The following TLCD4 variants were observed in gnomAD, a reference collection of about 807,000 sequenced individuals.
TLCD4 encodes the protein TLC domain containing 4.
A neutral mutation model predicts 24.2 loss-of-function variants in TLCD4; 7 were observed. That is an observed-to-expected ratio of 0.29 (90% confidence interval 0.16 to 0.54). The LOEUF is 0.54. Among genes scored for constraint, TLCD4 ranks in the 20% least tolerant of loss-of-function variants. TLCD4 has a pLI of 0.95. For synonymous variants in TLCD4, 103 were observed against 106.4 expected, an observed-to-expected ratio of 0.97 and a Z score of 0.20; for missense variants, 259 against 313.9, an observed-to-expected ratio of 0.82 and a Z score of 1.32.
intron 1 of TLCD4, among the ~76,000 whole-genome samples, chr1:95,140,315 G>A (rs543301894): frequency 6.6e-6 from 1 of 152,226 alleles, no homozygotes; most frequent in South Asian, 2.1e-4. Flanking sequence ...AATGTGTTGC[G>A]CTGCGGTGTT....
intron 4 of TLCD4, among the ~76,000 whole-genome samples, 173 bp from the exon 5 acceptor site, chr1:95,151,152 T>A (rs912507135): frequency 5.3e-5 from 8 of 152,126 alleles, no homozygotes; most frequent in Non-Finnish European, 1.0e-4. Flanking sequence ...GACAGGCATA[T>A]AGGAGCAGAG....
intron 1 of TLCD4, among the ~76,000 whole-genome samples, chr1:95,134,918 C>A (rs1677002416): frequency 6.6e-6 from 1 of 152,086 alleles, no homozygotes; most frequent in Admixed American, 6.6e-5. Flanking sequence ...ACAACCATGC[C>A]AGGCTAGTAC....
chr1:95,096,444 C>G, the TLCD4 span, among the ~76,000 whole-genome samples: 1 of 152,092 alleles, frequency 6.6e-6, no homozygotes, highest in Non-Finnish European at 1.5e-5. Flanking sequence ...GTTGCAGTAA[C>G]CTGGGGTAAG....
chr1:95,155,699 A>G (rs1005189571), intron 5 of TLCD4, among the ~76,000 whole-genome samples: 2 of 151,542 alleles, frequency 1.3e-5, no homozygotes, highest in African/African-American at 2.4e-5. Context: ...CAGAAAATAT[A>G]GACTCAAGAT....
At chr1:95,110,053 T>C in the TLCD4 span, among the ~76,000 whole-genome samples, 1 of 149,420 alleles carries the variant, frequency 6.7e-6, no homozygotes, top group African/African-American at 2.4e-5. Context: ...ATATTTTGGG[T>C]ATACATATAC....
At chr1:95,124,865 A>G (rs1247553532) in intron 1 of TLCD4, among the ~76,000 whole-genome samples, 3 of 152,244 alleles carry the variant, frequency 2.0e-5, no homozygotes, top group African/African-American at 4.8e-5. Context: ...AAAAAACAAA[A>G]CAACAAACAC....
chr1:95,106,432 G>A, the TLCD4 span, among the ~76,000 whole-genome samples: 22 of 152,278 alleles, frequency 1.4e-4, no homozygotes, highest in Admixed American at 1.2e-3. Context: ...CAGGTGTGGT[G>A]GCTCACGCCT....
intron 6 of TLCD4, among the ~76,000 whole-genome samples, chr1:95,190,990 T>C (rs6703408): frequency 0.31 from 46,601 of 152,080 alleles, 8,285 homozygotes; most frequent in East Asian, 0.62. Context: ...CCAACTTAAC[T>C]AACTTTTTCT....
At chr1:95,190,747 T>C (rs574379863) in intron 6 of TLCD4, among the ~76,000 whole-genome samples, 1 of 152,336 alleles carries the variant, frequency 6.6e-6, no homozygotes, top group East Asian at 1.9e-4. Flanking sequence ...AGTGAACATC[T>C]TTTTATATGC....
chr1:95,151,427 C>T lies in TLCD4; in HGVS notation c.399+8C>T, dbSNP rs555026761. 3.1e-6 allele frequency: 5 copies of T among 1,609,366 alleles called. No individual in the cohort carries two copies. Among genetic ancestry groups the T allele is most frequent in the Middle Eastern group, 1.7e-4 (1 of 6,058 alleles). On this transcript the variant is annotated splice_region_variant and intron_variant, in intron 5 of 6. Transcript: ENST00000370203. ...GCATACTACCTTGTACTGGTGAGTT[C>T]CAGGATTTTCTGTAGCCTAACTAGC...
the TLCD4 span, among the ~76,000 whole-genome samples, chr1:95,107,872 T>C: frequency 1.3e-5 from 2 of 152,144 alleles, no homozygotes; most frequent in Non-Finnish European, 2.9e-5. Flanking sequence ...GCTTTGTAAA[T>C]TTCCCTCTTT....
chr1:95,096,150 T>C, the TLCD4 span, among the ~76,000 whole-genome samples: 52,013 of 152,122 alleles, frequency 0.34, 10,374 homozygotes, highest in Middle Eastern at 0.45. Context: ...GAGGTTATTC[T>C]CTACCAATTA....
At chr1:95,092,572 G>T in the TLCD4 span, among the ~76,000 whole-genome samples, 1 of 151,994 alleles carries the variant, frequency 6.6e-6, no homozygotes, top group Non-Finnish European at 1.5e-5. Flanking sequence ...CACTCTTTAG[G>T]TCTACACTGC....
intron 6 of TLCD4, among the ~76,000 whole-genome samples, chr1:95,183,321 T>C (rs1678712440): frequency 6.6e-6 from 1 of 152,152 alleles, no homozygotes; most frequent in African/African-American, 2.4e-5. Context: ...ACAAATCCTA[T>C]ATTGGACCCA....
intron 6 of TLCD4, among the ~76,000 whole-genome samples, chr1:95,184,658 T>TA (rs2101014875): frequency 6.6e-6 from 1 of 152,308 alleles, no homozygotes; most frequent in African/African-American, 2.4e-5. Flanking sequence ...GTAATAACAG[T>TA]AAATGGTGGG....
intron 5 of TLCD4, among the ~76,000 whole-genome samples, chr1:95,153,448 G>C (rs1475933478): frequency 6.6e-6 from 1 of 152,098 alleles, no homozygotes; most frequent in Non-Finnish European, 1.5e-5. Flanking sequence ...TGAAACAAAT[G>C]GGTGGAACTT....
intron 1 of TLCD4, among the ~76,000 whole-genome samples, chr1:95,128,761 G>T (rs1252992064): frequency 3.9e-5 from 6 of 152,230 alleles, no homozygotes; most frequent in African/African-American, 1.4e-4. Context: ...GTATGTGTGT[G>T]TGTGGTGGGG....
At chr1:95,102,583 A>C in the TLCD4 span, among the ~76,000 whole-genome samples, 1 of 152,184 alleles carries the variant, frequency 6.6e-6, no homozygotes, top group African/African-American at 2.4e-5. Context: ...AGTCTTGGGA[A>C]TATAGGTCTG....
At chr1:95,129,875 T>G (rs1392987565) in intron 1 of TLCD4, among the ~76,000 whole-genome samples, 2 of 152,228 alleles carry the variant, frequency 1.3e-5, no homozygotes, top group Non-Finnish European at 2.9e-5. Context: ...GAAATTGGGT[T>G]GACTTTTATG....
Sources: gnomAD v4.1 joint callset for allele counts (sites outside exome capture counted in the v4.1 genomes callset) on GRCh38, gnomAD v4.1.1 for gene constraint, MANE v1.5 for transcripts, NCBI Gene and HGNC (gene_info 2026-07-23, HGNC 2026-07-21) for gene names.